CAMTA1: variants seen among roughly 807,000 people sequenced by gnomAD.
The protein encoded by CAMTA1 is calmodulin-binding transcription activator 1.
CAMTA1 carries 27 observed loss-of-function variants against 170.9 expected under a neutral mutation model. The ratio of observed to expected loss-of-function variants is 0.16; its 90% CI spans 0.12 to 0.22. The LOEUF (loss-of-function observed/expected upper bound fraction) is 0.22, where lower values mean the gene tolerates loss of function less well. CAMTA1 is among the 10% of genes least tolerant of loss of function. The pLI, the probability that CAMTA1 is intolerant of heterozygous loss-of-function variation, is 1.00. For missense variants in CAMTA1, 1,619 were observed against 2,217.2 expected (o/e 0.73, Z 5.42); for synonymous variants, 833 against 891.5 (o/e 0.93, Z 1.17).
In CAMTA1 at chr1:7,251,888, TGC is replaced by T. The variant is rs140609726; in HGVS notation, c.438+2264_438+2265del. Among the ~76,000 whole-genome samples the T allele has an allele frequency of 0.04, 6,051 of 152,200 alleles. 160 individuals are homozygous for T. Among genetic ancestry groups the T allele is most frequent in the Non-Finnish European group, 0.062 (4,188 of 67,988 alleles). ...GTATATATGTTTGTGTGTGTGTGTG[TGC>T]GTATGTGCAATTTACATATTGTTTG... On this transcript the variant is annotated intron_variant, in intron 5 of 22. Coordinates refer to ENST00000303635, the MANE Select transcript of CAMTA1 (RefSeq NM_015215.4). The surrounding 1 kb of genome is among the most constrained non-coding windows in gnomAD (Gnocchi z 5.1).
intron 4 of CAMTA1, among the ~76,000 whole-genome samples, chr1:7,198,484 G>C (rs759242776): frequency 6.6e-5 from 10 of 152,026 alleles, no homozygotes; most frequent in Non-Finnish European, 1.5e-4. Context: ...ACTTCAGAAG[G>C]TGTCAGGAAT....
intron 6 of CAMTA1, among the ~76,000 whole-genome samples, chr1:7,544,286 C>G (rs988130060): frequency 6.6e-6 from 1 of 152,186 alleles, no homozygotes; most frequent in Non-Finnish European, 1.5e-5. Context: ...TTCACTACCA[C>G]GAGAACAGTA....
chr1:7,546,105 G>A (rs2094689452), intron 6 of CAMTA1, among the ~76,000 whole-genome samples: 1 of 152,012 alleles, frequency 6.6e-6, no homozygotes, highest in Non-Finnish European at 1.5e-5. Context: ...ACAGGCACCT[G>A]CCACCACGCC....
chr1:7,246,121 A>T (rs1306721781), intron 4 of CAMTA1, among the ~76,000 whole-genome samples: 1 of 152,216 alleles, frequency 6.6e-6, no homozygotes, highest in East Asian at 1.9e-4. Flanking sequence ...GGTGGAGCAG[A>T]ACGGAGACTG....
intron 6 of CAMTA1, among the ~76,000 whole-genome samples, chr1:7,492,598 T>C (rs59572233): frequency 0.23 from 28,550 of 122,290 alleles, 3,623 homozygotes; most frequent in East Asian, 0.63. Context: ...CACACACGCG[T>C]GCACACACAC....
rs74053122 is a variant in CAMTA1 at position 7,633,488 on chromosome 1, T to A, written c.511-6912T>A. ...GCCCATGCCTGGGATGGACACCGAC[T>A]CCTTCCCCGCACCCTAGTCTCTGTC... On this transcript the variant is annotated intron_variant, in intron 6 of 22. Coordinates refer to ENST00000303635, the MANE Select transcript of CAMTA1 (RefSeq NM_015215.4). The surrounding 1 kb of genome is among the most constrained non-coding windows in gnomAD (Gnocchi z 4.1). 0.019 allele frequency among the ~76,000 whole-genome samples: 2,920 copies of A among 152,218 alleles called. 83 individuals carry two copies. Among genetic ancestry groups the A allele is most frequent in the African/African-American group, 0.067 (2,769 of 41,516 alleles).
rs553379902 is a variant in CAMTA1 at position 7,029,593 on chromosome 1, G to A, written c.235-61711G>A. Among the ~76,000 whole-genome samples the A allele has an allele frequency of 5.3e-5, 8 of 149,932 alleles. No individual in the cohort carries two copies. The East Asian group carries it at 1.4e-3, about 26-fold the overall frequency. On this transcript the variant is annotated intron_variant, in intron 3 of 22. Transcript: ENST00000303635. ...CTTCCAGTGAGTTTGCAAATATCAA[G>A]AAATCTCTCTCTCTCTCTCTCTTTT...
chr1:6,890,123 C>T (rs1321889823), intron 3 of CAMTA1, among the ~76,000 whole-genome samples: 2 of 152,162 alleles, frequency 1.3e-5, no homozygotes, highest in African/African-American at 2.4e-5. Context: ...AGGAGCCTTC[C>T]GGAGGCTCTG....
chr1:7,371,529 G>C (rs1301355449), intron 5 of CAMTA1, among the ~76,000 whole-genome samples: 1 of 152,152 alleles, frequency 6.6e-6, no homozygotes. Context: ...CAAAGTGCCG[G>C]GATTACAGGC....
In CAMTA1 at chr1:7,277,296, G is replaced by T. The variant is rs559269570; in HGVS notation, c.438+27670G>T. ...AAATCAAAGTAAAGTTAAAAGAATT[G>T]CCCTACTTAATTTCAATACTTAATC... On this transcript the variant is annotated intron_variant, in intron 5 of 22. Transcript: ENST00000303635. Among the ~76,000 whole-genome samples, 243 of 152,286 alleles carry T rather than the reference G, an allele frequency of 1.6e-3. 1 individual carries two copies. The highest frequency in any genetic ancestry group is 5.6e-3 in the African/African-American group (232 of 41,574).
chr1:7,547,390 A>G lies in CAMTA1; in HGVS notation c.510+79489A>G, dbSNP rs1208935491. On this transcript the variant is annotated intron_variant, in intron 6 of 22. Transcript: ENST00000303635. This position sits in a 1 kb window ranked among gnomAD's most constrained non-coding sequence, Gnocchi z 5.7. ...CACACACACACACACACACACACACAGAGTTGGCCTTCCACATTCATGAGT... is the reference window on the plus strand; with the variant it reads ...CACACACACACACACACACACACACGGAGTTGGCCTTCCACATTCATGAGT... 6.8e-6 allele frequency among the ~76,000 whole-genome samples: 1 copy of G among 147,546 alleles called. No homozygotes were observed. The highest frequency in any genetic ancestry group is 1.5e-5 in the Non-Finnish European group (1 of 66,562).
intron 4 of CAMTA1, among the ~76,000 whole-genome samples, chr1:7,184,912 G>A (rs1652940339): frequency 1.3e-5 from 2 of 152,164 alleles, no homozygotes; most frequent in South Asian, 4.1e-4. Context: ...TGTACCACCA[G>A]TCTAATAAGA....
At chr1:7,137,452 G>T (rs1167463621) in intron 4 of CAMTA1, among the ~76,000 whole-genome samples, 1 of 152,200 alleles carries the variant, frequency 6.6e-6, no homozygotes, top group Non-Finnish European at 1.5e-5. Context: ...CAGCAGCCCA[G>T]TGTGGCTGGA....
In CAMTA1 at chr1:7,745,008, T is replaced by C; in HGVS notation, c.4356T>C (p.Ser1452=). The C allele has an allele frequency of 3.1e-6, 5 of 1,613,256 alleles. No homozygotes were observed. The highest frequency in any genetic ancestry group is 1.7e-4 in the Middle Eastern group (1 of 6,052). The change falls in exon 17 of 23, where the codon AGT becomes AGC. Residue 1452 remains serine, a synonymous_variant. Coordinates refer to ENST00000303635, the MANE Select transcript of CAMTA1 (RefSeq NM_015215.4). The part of the protein sequence containing the change: ...SYLADADCLP[S]AAQIRSAYNE... Reference sequence around the variant, plus strand: ...TAGCGGATGCTGACTGCCTTCCCAGTGCTGCCCAGATCCGGTGAGTAAAGT... The same window carrying C: ...TAGCGGATGCTGACTGCCTTCCCAGCGCTGCCCAGATCCGGTGAGTAAAGT...
chr1:7,187,985 A>G (rs1415759076), intron 4 of CAMTA1, among the ~76,000 whole-genome samples: 3 of 152,326 alleles, frequency 2.0e-5, no homozygotes, highest in South Asian at 2.1e-4. Flanking sequence ...ACAGTTCTGC[A>G]TGGCTGGGGA....
At chr1:7,025,434 A>G (rs6693950) in intron 3 of CAMTA1, among the ~76,000 whole-genome samples, 52,452 of 152,082 alleles carry the variant, frequency 0.34, 9,698 homozygotes, top group African/African-American at 0.48. Context: ...ACCATAGGAT[A>G]TATGGTTTGC....
intron 10 of CAMTA1, among the ~76,000 whole-genome samples, chr1:7,672,663 C>T (rs558769681): frequency 1.1e-4 from 16 of 152,228 alleles, no homozygotes; most frequent in Non-Finnish European, 1.3e-4. Flanking sequence ...GCAAGTGATC[C>T]GCCCACCTTG....
intron 5 of CAMTA1, among the ~76,000 whole-genome samples, chr1:7,327,507 G>A (rs573094078): frequency 6.6e-6 from 1 of 152,110 alleles, no homozygotes; most frequent in Non-Finnish European, 1.5e-5. Flanking sequence ...GAAAGCAAAG[G>A]AATAAGGTGG....
chr1:7,058,895 A>T (rs72640041), intron 3 of CAMTA1, among the ~76,000 whole-genome samples: 36 of 151,276 alleles, frequency 2.4e-4, no homozygotes, highest in African/African-American at 6.5e-4. Context: ...ACACACACAC[A>T]CTCTCTCTCT....
Sources: allele counts gnomAD v4.1 joint callset (sites outside exome capture counted in the v4.1 genomes callset), GRCh38; gene constraint gnomAD v4.1.1; non-coding constraint Gnocchi (gnomAD v3.1); transcripts MANE v1.5; gene names NCBI Gene and HGNC (gene_info 2026-07-23, HGNC 2026-07-21).